The following HCN1 variants were observed in gnomAD, a reference collection of about 807,000 sequenced individuals.
HCN1 encodes the protein potassium/sodium hyperpolarization-activated cyclic nucleotide-gated channel 1.
HCN1 carries 13 observed loss-of-function variants against 78.9 expected under a neutral mutation model. That is an observed-to-expected ratio of 0.16 (90% CI 0.11 to 0.26). The LOEUF is 0.26. HCN1 is among the 10% of genes least tolerant of loss of function. The pLI, the probability that HCN1 is intolerant of heterozygous loss-of-function variation, is 1.00. For synonymous variants in HCN1, 552 were observed against 455.5 expected (o/e 1.21, Z -2.70); for missense variants, 810 against 1,154.3 (o/e 0.70, Z 4.32).
chr5:45,573,577 C>A (rs1200672146), intron 2 of HCN1, among the ~76,000 whole-genome samples: 4 of 151,880 alleles, frequency 2.6e-5, no homozygotes, highest in African/African-American at 9.7e-5. Flanking sequence ...CCAAAACCAA[C>A]AGAAGAGGAC....
At chr5:45,418,871 C>A (rs537041062) in intron 3 of HCN1, among the ~76,000 whole-genome samples, 143 of 152,196 alleles carry the variant, frequency 9.4e-4, no homozygotes, top group African/African-American at 3.2e-3. Context: ...ATATATAATT[C>A]TATATGTCAT....
At position 45,262,625 on chromosome 5, in the gene HCN1, T is replaced by C. The variant is rs748070273; in HGVS notation, c.1969A>G (p.Thr657Ala). ...LNSTSSTTTP[T>A]SRMRTQSPPV... ...GGAGATTGTGTCCTCATGCGGGAGG[T>C]CGGGGTCGTAGTAGACGATGTGGAA... is the stretch of plus-strand genomic sequence containing the variant. Residue 657 changes from threonine to alanine, a missense_variant, in exon 8 of 8, where the codon ACC (threonine) becomes GCC (alanine). Physicochemically the swap from Thr to Ala is moderately conservative, Grantham distance 58 (BLOSUM62 0). Transcript: ENST00000303230. 42 of 1,613,264 alleles carry C rather than the reference T, an allele frequency of 2.6e-5. No individual in the cohort carries two copies. Among genetic ancestry groups the C allele is most frequent in the Non-Finnish European group, 3.3e-5 (39 of 1,179,900 alleles).
At chr5:45,329,599 A>G (rs1746304988) in intron 5 of HCN1, among the ~76,000 whole-genome samples, 1 of 151,554 alleles carries the variant, frequency 6.6e-6, no homozygotes, top group Non-Finnish European at 1.5e-5. Context: ...TGAGAAGTTT[A>G]TGAAACAAAT....
intron 2 of HCN1, among the ~76,000 whole-genome samples, chr5:45,543,497 T>C (rs565729072): frequency 1.0e-3 from 158 of 152,144 alleles, no homozygotes; most frequent in African/African-American, 3.6e-3. Flanking sequence ...ATCTTATACC[T>C]TGAAACCCAT....
intron 2 of HCN1, among the ~76,000 whole-genome samples, chr5:45,522,168 T>C (rs1742627061): frequency 6.6e-6 from 1 of 152,042 alleles, no homozygotes; most frequent in South Asian, 2.1e-4. Flanking sequence ...CTTAACAGTA[T>C]TTCTAATTTT....
intron 1 of HCN1, among the ~76,000 whole-genome samples, chr5:45,679,453 C>T (rs1739660792): frequency 6.6e-6 from 1 of 152,002 alleles, no homozygotes; most frequent in Non-Finnish European, 1.5e-5. Context: ...AAATCGTCCC[C>T]CAGCTAAATA....
intron 1 of HCN1, among the ~76,000 whole-genome samples, chr5:45,649,579 T>G (rs537664163): frequency 6.6e-6 from 1 of 152,028 alleles, no homozygotes; most frequent in Non-Finnish European, 1.5e-5. Flanking sequence ...CCTCATTTGT[T>G]AGTTTTTTTT....
chr5:45,263,473 G>A (rs1484163506), intron 7 of HCN1, among the ~76,000 whole-genome samples: 1 of 152,164 alleles, frequency 6.6e-6, no homozygotes, highest in African/African-American at 2.4e-5. Context: ...CTGTGTGCTT[G>A]CTAGAAACTC....
In HCN1 at chr5:45,696,088, T is replaced by C; in HGVS notation, c.6A>G (p.Glu2=). M[E]GGGKPNSSSN... is the part of the protein sequence containing the mutation. The stretch of plus-strand genomic sequence containing the variant: ...ACGAAGAGTTGGGCTTGCCGCCTCC[T>C]TCCATGCCCGGAGGACGCGGCCGGC... Residue 2 remains glutamate (E), a synonymous_variant, in exon 1 of 8, where the codon GAA becomes GAG. Coordinates refer to ENST00000303230, the MANE Select transcript of HCN1 (RefSeq NM_021072.4). 1.5e-6 allele frequency: 2 copies of C among 1,341,328 alleles called. No homozygotes were observed. The highest frequency in any genetic ancestry group is 9.7e-7 in the Non-Finnish European group (1 of 1,034,894). The allele number at this position is 1,341,328 out of a possible 1,614,324, so 83.1% of individuals were successfully genotyped here. A position where few individuals can be genotyped will look rare whatever the true frequency, so the allele number is the denominator to read the frequency against.
chr5:45,479,428 T>C (rs900373090), intron 2 of HCN1, among the ~76,000 whole-genome samples: 19 of 152,164 alleles, frequency 1.2e-4, no homozygotes, highest in Admixed American at 1.1e-3. Context: ...TTTAACTACA[T>C]TGAATAATTA....
chr5:45,623,590 G>A (rs551802058), intron 2 of HCN1, among the ~76,000 whole-genome samples: 17 of 152,218 alleles, frequency 1.1e-4, no homozygotes, highest in Admixed American at 9.8e-4. Flanking sequence ...ACATCTCCTC[G>A]TGTTTGAAGT....
intron 2 of HCN1, among the ~76,000 whole-genome samples, chr5:45,507,830 A>C (rs1034200361): frequency 6.6e-6 from 1 of 152,182 alleles, no homozygotes; most frequent in Non-Finnish European, 1.5e-5. Flanking sequence ...TTAAATAGCT[A>C]CATCAATATT....
At chr5:45,519,036 G>A (rs1203606144) in intron 2 of HCN1, among the ~76,000 whole-genome samples, 1 of 151,626 alleles carries the variant, frequency 6.6e-6, no homozygotes, top group African/African-American at 2.4e-5. Context: ...GACCATTTTG[G>A]TAGCTGATTG....
At position 45,511,461 on chromosome 5, in the gene HCN1, AG is replaced by A. The variant is rs1742414104; in HGVS notation, c.850-49455del. On this transcript the variant is annotated intron_variant, in intron 2 of 7. Transcript: ENST00000303230. Reference sequence around the variant, plus strand: ...AAATCTGAGAAACACACCCTCAGCCAGATGATGAAGGTTAACTTCAATGATA... The same window carrying A: ...AAATCTGAGAAACACACCCTCAGCCAATGATGAAGGTTAACTTCAATGATA... 3.9e-5 allele frequency among the ~76,000 whole-genome samples: 6 copies of A among 152,186 alleles called. No individual in the cohort carries two copies. In the South Asian group the frequency reaches 1.2e-3, roughly 31 times the overall value.
intron 3 of HCN1, among the ~76,000 whole-genome samples, chr5:45,424,752 T>C (rs971553463): frequency 6.6e-6 from 1 of 152,206 alleles, no homozygotes; most frequent in African/African-American, 2.4e-5. Context: ...CTTAGTATTT[T>C]AGTTCTCCAT....
chr5:45,537,469 A>G (rs1053623176), intron 2 of HCN1, among the ~76,000 whole-genome samples: 4 of 149,068 alleles, frequency 2.7e-5, no homozygotes, highest in African/African-American at 9.9e-5. Context: ...TTCTCCTGCA[A>G]AAAGGTTGGT....
At chr5:45,601,045 T>C (rs1354665237) in intron 2 of HCN1, among the ~76,000 whole-genome samples, 1 of 152,106 alleles carries the variant, frequency 6.6e-6, no homozygotes, top group Non-Finnish European at 1.5e-5. Flanking sequence ...ATATATATTT[T>C]TTTTCCTATT....
At position 45,695,740 on chromosome 5, in the gene HCN1, C is replaced by T. The variant is rs1234896745; in HGVS notation, c.354G>A (p.Lys118=). The change falls in exon 1 of 8, where the codon AAG becomes AAA. Residue 118 remains lysine (K), a synonymous_variant. Coordinates refer to ENST00000303230, the MANE Select transcript of HCN1 (RefSeq NM_021072.4). ...KFSLRMFGSQ[K]AVEKEQERVK... ...CCCTTTCCTGCTCCTTTTCCACCGC[C>T]TTCTGGCTCCCAAACATGCGGAGGG... The T allele has an allele frequency of 1.2e-6, 2 of 1,612,514 alleles. No homozygotes were observed. The highest frequency in any genetic ancestry group is 2.2e-5 in the East Asian group (1 of 44,836).
chr5:45,413,073 A>G (rs976437668), intron 3 of HCN1, among the ~76,000 whole-genome samples: 2 of 152,078 alleles, frequency 1.3e-5, no homozygotes, highest in African/African-American at 4.8e-5. Flanking sequence ...TGGTGAAGTG[A>G]CATGCTAGAT....
Sources: allele counts gnomAD v4.1 joint callset (sites outside exome capture counted in the v4.1 genomes callset), GRCh38; gene constraint gnomAD v4.1.1; transcripts MANE v1.5; gene names NCBI Gene and HGNC (gene_info 2026-07-23, HGNC 2026-07-21).